Variants in VWF observed in about 807,000 individuals in gnomAD.
The protein encoded by VWF is von Willebrand factor.
In VWF, 176 loss-of-function variants were observed where a neutral mutation model predicts 308.6. The ratio of observed to expected loss-of-function variants is 0.57; its 90% CI spans 0.50 to 0.65. The LOEUF is 0.65. VWF is among the 30% of genes least tolerant of loss of function. VWF has a pLI of 0.00. For missense variants in VWF, 3,146 were observed against 3,648.2 expected (o/e 0.86, Z 3.55); for synonymous variants, 1,385 against 1,443.4 (o/e 0.96, Z 0.92).
At chr12:5,992,333 T>C (rs1358090918) in intron 37 of VWF, among the ~76,000 whole-genome samples, 1 of 152,228 alleles carries the variant, frequency 6.6e-6, no homozygotes, top group East Asian at 1.9e-4. Context: ...AAGACAGCTA[T>C]GCATGCTCCT....
chr12:6,010,628 G>A (rs973571375), intron 34 of VWF, among the ~76,000 whole-genome samples: 9 of 152,228 alleles, frequency 5.9e-5, no homozygotes, highest in Admixed American at 6.5e-5. Flanking sequence ...CACATCCATA[G>A]AAGAACAGTT....
chr12:6,041,531 C>G (rs1409764916), intron 18 of VWF, among the ~76,000 whole-genome samples: 1 of 151,940 alleles, frequency 6.6e-6, no homozygotes, highest in South Asian at 2.1e-4. Flanking sequence ...TCACTGCAAC[C>G]TCCGCCTCCT....
rs1223474687 is a variant in VWF, at chr12:5,965,652, C to T, written c.7887+1834G>A. On this transcript the variant is annotated intron_variant, in intron 47 of 51. Transcript: ENST00000261405. ...GGGAGGCAACGGAAGACTCACATCTCGGGCAACACTGGCACTTCAGCCCAA... is the reference window on the plus strand; with the variant it reads ...GGGAGGCAACGGAAGACTCACATCTTGGGCAACACTGGCACTTCAGCCCAA... Among the ~76,000 whole-genome samples the T allele has an allele frequency of 2.0e-5, 3 of 152,176 alleles. No homozygotes were observed. In the East Asian group the frequency reaches 5.8e-4, roughly 29 times the overall value.
intron 6 of VWF, among the ~76,000 whole-genome samples, chr12:6,088,201 G>A (rs1046332604): frequency 1.1e-4 from 17 of 149,228 alleles, no homozygotes; most frequent in South Asian, 4.3e-4. Context: ...GCCTTTGGCC[G>A]GGCGCGGTGG....
intron 31 of VWF, among the ~76,000 whole-genome samples, chr12:6,015,518 T>C (rs912223443): frequency 1.1e-4 from 16 of 151,916 alleles, no homozygotes; most frequent in African/African-American, 3.6e-4. Flanking sequence ...TGGGAGGTGG[T>C]CCCTAGACTC....
At chr12:6,018,145 A>G (rs1360415079) in intron 28 of VWF, among the ~76,000 whole-genome samples, 2 of 151,932 alleles carry the variant, frequency 1.3e-5, no homozygotes, top group Non-Finnish European at 2.9e-5. Context: ...AGAAGCACAC[A>G]CAATAAGAAA....
chr12:5,980,265 G>GAGGGAGGGAGGA (rs1943591158), intron 42 of VWF, among the ~76,000 whole-genome samples: 1 of 123,548 alleles, frequency 8.1e-6, no homozygotes, highest in Admixed American at 8.3e-5. Context: ...CGTAGGGAGG[G>GAGGGAGGGAGGA]AGGGAGGAGG....
chr12:5,999,521 T>G (rs1464005147), intron 34 of VWF, among the ~76,000 whole-genome samples: 1 of 150,258 alleles, frequency 6.7e-6, no homozygotes, highest in African/African-American at 2.5e-5. Context: ...GAAATGACTT[T>G]TCTATACTAA....
At chr12:6,080,461 C>A (rs576568465) in intron 6 of VWF, among the ~76,000 whole-genome samples, 1 of 152,344 alleles carries the variant, frequency 6.6e-6, no homozygotes, top group African/African-American at 2.4e-5. Context: ...AAGAAACCTG[C>A]AGCTGAGACA....
At chr12:6,052,397 C>T in intron 16 of VWF, 146 bp downstream of exon 16, 1 of 1,278,264 alleles carries the variant, frequency 7.8e-7, no homozygotes. Context: ...CCCAGCTCCG[C>T]TTCTGACTTG....
At chr12:5,957,879 C>T (rs1330552210) in intron 47 of VWF, among the ~76,000 whole-genome samples, 1 of 152,086 alleles carries the variant, frequency 6.6e-6, no homozygotes, top group East Asian at 1.9e-4. Flanking sequence ...CCATATAAGA[C>T]AAATGACTGT....
chr12:6,100,336 A>C (rs1276024011), intron 5 of VWF, among the ~76,000 whole-genome samples: 1 of 147,974 alleles, frequency 6.8e-6, no homozygotes, highest in African/African-American at 2.6e-5. Context: ...CAGTGTGGTG[A>C]TTCCTCAGGG....
chr12:6,036,326 C>G (rs1183377746), intron 19 of VWF, 62 bp downstream of exon 19: 7 of 1,494,876 alleles, frequency 4.7e-6, no homozygotes, highest in Non-Finnish European at 6.5e-6. Flanking sequence ...CCTGTGGCCG[C>G]GTGCACCCTC....
intron 6 of VWF, among the ~76,000 whole-genome samples, chr12:6,080,513 C>T (rs1944897919): frequency 6.6e-6 from 1 of 152,214 alleles, no homozygotes; most frequent in South Asian, 2.1e-4. Flanking sequence ...GCACAGGGCC[C>T]TGGATGCAAC....
At chr12:6,044,073 T>A (rs976901552) in intron 18 of VWF, among the ~76,000 whole-genome samples, 6 of 152,094 alleles carry the variant, frequency 3.9e-5, no homozygotes, top group Admixed American at 2.0e-4. Context: ...CCTGTGAGGA[T>A]CAACCCCAGG....
intron 16 of VWF, among the ~76,000 whole-genome samples, chr12:6,047,033 A>G (rs1158851525): frequency 6.6e-6 from 1 of 152,174 alleles, no homozygotes; most frequent in African/African-American, 2.4e-5. Flanking sequence ...GATCCCATTC[A>G]ACATTATTCA....
intron 40 of VWF, among the ~76,000 whole-genome samples, chr12:5,984,026 A>G (rs1327211678): frequency 7.7e-6 from 1 of 129,584 alleles, no homozygotes; most frequent in Non-Finnish European, 1.8e-5. Flanking sequence ...ATAGACAGAC[A>G]GACAGACAGA....
Position 5,971,778 on chromosome 12 carries a change from T to C in VWF, c.7438-69A>G, listed in dbSNP as rs977961268. 4.1e-5 allele frequency: 54 copies of C among 1,317,682 alleles called. No homozygotes were observed. The African/African-American group carries it at 6.9e-4, about 17-fold the overall frequency. 81.6% of individuals were successfully genotyped at this position (1,317,682 alleles called of 1,614,324 possible). ...AGACACAGGGGCTCTTACCTACGCC[T>C]CCTGCGTACTGAGCCCTGGGGTTGT... is the stretch of plus-strand genomic sequence containing the variant. On this transcript the variant is annotated intron_variant, in intron 43 of 51. Coordinates refer to ENST00000261405, the MANE Select transcript of VWF (RefSeq NM_000552.5).
intron 13 of VWF, among the ~76,000 whole-genome samples, chr12:6,059,364 G>A (rs1208591073): frequency 6.6e-6 from 1 of 152,188 alleles, no homozygotes; most frequent in African/African-American, 2.4e-5. Context: ...AGCTAAATGA[G>A]GCAAGGATTT....
Sources: allele counts gnomAD v4.1 joint callset (sites outside exome capture counted in the v4.1 genomes callset), GRCh38; gene constraint gnomAD v4.1.1; transcripts MANE v1.5; gene names NCBI Gene and HGNC (gene_info 2026-07-23, HGNC 2026-07-21).